The following VXN variants were observed in gnomAD, a reference collection of about 807,000 sequenced individuals.
VXN encodes the protein vexin.
In VXN, 7 loss-of-function variants were observed where a neutral mutation model predicts 23.1. That is an observed-to-expected ratio of 0.30 (90% CI 0.17 to 0.57). The LOEUF (loss-of-function observed/expected upper bound fraction) is 0.57, where lower values mean the gene tolerates loss of function less well. Ranked by LOEUF, VXN falls within the 20% of genes least tolerant of loss-of-function variation. VXN has a pLI of 0.91. For synonymous variants in VXN, 120 were observed against 105.8 expected, an observed-to-expected ratio of 1.13 and a Z score of -0.83; for missense variants, 238 against 272.6, an observed-to-expected ratio of 0.87 and a Z score of 0.89.
intron 2 of VXN, among the ~76,000 whole-genome samples, chr8:66,497,951 C>T (rs1052849621): frequency 6.6e-6 from 1 of 151,810 alleles, no homozygotes; most frequent in South Asian, 2.1e-4. Context: ...GCGGATCACC[C>T]GAGGTCAGGA....
chr8:66,499,182 G>T (rs1279447960), intron 2 of VXN, among the ~76,000 whole-genome samples: 1 of 147,354 alleles, frequency 6.8e-6, no homozygotes, highest in African/African-American at 2.5e-5. Flanking sequence ...GTTTAGTCCA[G>T]AGCCTGACAC....
Position 66,512,266 on chromosome 8 carries a change from A to G in VXN, c.343-1274A>G, listed in dbSNP as rs574117741. 3.3e-5 allele frequency among the ~76,000 whole-genome samples: 5 copies of G among 152,238 alleles called. No homozygotes were observed. In the East Asian group the frequency reaches 5.8e-4, roughly 18 times the overall value. ...GTGAGATTGGCCTAAGGAAAGGGGA[A>G]AAGAGTGGGAACAAGTCCTTTCACC... On this transcript the variant is annotated intron_variant, in intron 4 of 5. Coordinates refer to ENST00000305454, the MANE Select transcript of VXN (RefSeq NM_152765.4).
chr8:66,499,957 G>A lies in VXN; in HGVS notation c.126+3465G>A, dbSNP rs190352476. Among the ~76,000 whole-genome samples, 40 of 151,652 alleles carry A rather than the reference G, an allele frequency of 2.6e-4. 1 individual carries two copies. In the East Asian group the frequency reaches 7.6e-3, roughly 29 times the overall value. On this transcript the variant is annotated intron_variant, in intron 2 of 5. Transcript: ENST00000305454. ...GCCCAGGCTGGTTTTGAACTCTTGG[G>A]CTCAAGCAAACCTACTGTCTCAGCC...
chr8:66,513,533 A>T lies in VXN; in HGVS notation c.343-7A>T, dbSNP rs772341086. The T allele has an allele frequency of 1.2e-6, 2 of 1,613,554 alleles. No individual in the cohort carries two copies. The highest frequency in any genetic ancestry group is 1.3e-5 in the African/African-American group (1 of 74,904). On this transcript the variant is annotated splice_region_variant and splice_polypyrimidine_tract_variant and intron_variant, in intron 4 of 5. Coordinates refer to ENST00000305454, the MANE Select transcript of VXN (RefSeq NM_152765.4). Reference sequence around the variant, plus strand: ...TCCTCACACTCCCTCCCGCTTCCTCATGACAGATACCGCCAGTGCCCCGGA... The same window carrying T: ...TCCTCACACTCCCTCCCGCTTCCTCTTGACAGATACCGCCAGTGCCCCGGA...
At chr8:66,507,895 G>T (rs1807777289) in intron 3 of VXN, among the ~76,000 whole-genome samples, 1 of 152,124 alleles carries the variant, frequency 6.6e-6, no homozygotes, top group South Asian at 2.1e-4. Context: ...TTTTTCCTGG[G>T]CCATAGAAGG....
chr8:66,501,802 A>C lies in VXN; in HGVS notation c.127-3573A>C, dbSNP rs568406856. Among the ~76,000 whole-genome samples, 10 of 152,284 alleles carry C rather than the reference A, an allele frequency of 6.6e-5. No individual in the cohort carries two copies. The East Asian group carries it at 1.9e-3, about 29-fold the overall frequency. On this transcript the variant is annotated intron_variant, in intron 2 of 5. Transcript: ENST00000305454. The stretch of plus-strand genomic sequence containing the variant: ...TTTGCAGATGGGAAAAGTGAGTCCC[A>C]AAAAGGAAAGAATTGTCTCTGGTCT...
intron 3 of VXN, among the ~76,000 whole-genome samples, chr8:66,508,830 T>A (rs2130553866): frequency 6.6e-6 from 1 of 152,194 alleles, no homozygotes; most frequent in Middle Eastern, 3.4e-3. Context: ...CGAAACCCTA[T>A]CTCCACAAAC....
Position 66,516,041 on chromosome 8 carries a change from G to A in VXN, c.589G>A (p.Val197Met), listed in dbSNP as rs1302211259. 25 of 1,612,850 alleles carry A rather than the reference G, an allele frequency of 1.6e-5. No homozygotes were observed. The Admixed American group carries it at 1.8e-4, about 12-fold the overall frequency. Reference sequence around the variant, plus strand: ...AAGGCACAAGAAGAAGTCTGAATATGTGGGAGCCACCAACAGCGCCTTTGA... The same window carrying A: ...AAGGCACAAGAAGAAGTCTGAATATATGGGAGCCACCAACAGCGCCTTTGA... ...WTRHKKKSEY[V>M]GATNSAFEAD The change falls in exon 6 of 6, where the codon GTG becomes ATG. Residue 197 changes from valine (V) to methionine (M), a missense_variant. Physicochemically the swap from Val to Met is conservative, Grantham distance 21. Transcript: ENST00000305454.
At chr8:66,514,744 G>A (rs998916989) in intron 5 of VXN, among the ~76,000 whole-genome samples, 53 of 152,248 alleles carry the variant, frequency 3.5e-4, no homozygotes, top group African/African-American at 1.0e-3. Context: ...AATTGAAAGA[G>A]ATAATATGTG....
chr8:66,510,030 G>T (rs1807803807), intron 3 of VXN, 66 bp from the exon 4 acceptor site: 3 of 1,439,094 alleles, frequency 2.1e-6, no homozygotes, highest in Non-Finnish European at 2.9e-6. Context: ...GGTAATTGAT[G>T]CAGGGCCAGT....
chr8:66,501,836 C>A (rs2130546145), intron 2 of VXN, among the ~76,000 whole-genome samples: 1 of 152,206 alleles, frequency 6.6e-6, no homozygotes, highest in Admixed American at 6.5e-5. Context: ...CTCTTGTGTC[C>A]CCAACCAACT....
chr8:66,515,073 G>T (rs1330365001), intron 5 of VXN, among the ~76,000 whole-genome samples: 1 of 152,224 alleles, frequency 6.6e-6, no homozygotes, highest in Non-Finnish European at 1.5e-5. Flanking sequence ...TATCCAAAAA[G>T]ATTGGATCAT....
At chr8:66,510,241 A>T (rs1807806753) in intron 4 of VXN, 84 bp downstream of exon 4, 1 of 1,141,224 alleles carries the variant, frequency 8.8e-7, no homozygotes. Context: ...ATGAAGAGAG[A>T]CTCAGTGTTC....
intron 2 of VXN, among the ~76,000 whole-genome samples, chr8:66,499,986 C>G (rs914911734): frequency 6.6e-6 from 1 of 152,056 alleles, no homozygotes; most frequent in Non-Finnish European, 1.5e-5. Flanking sequence ...CTCAGCCTCC[C>G]AAAGTGCTGA....
chr8:66,510,311 G>A lies in VXN; in HGVS notation c.342+154G>A, dbSNP rs576869517. On this transcript the variant is annotated intron_variant, in intron 4 of 5. Transcript: ENST00000305454. ...AACTGGCAGTTCTTTGCTCCCAAAA[G>A]CTCTCAGTTGGCCCTAATTTGTACC... The A allele has an allele frequency of 3.2e-5, 20 of 634,312 alleles. No homozygotes were observed. The African/African-American group carries it at 3.8e-4, about 12-fold the overall frequency. The allele number at this position is 634,312 out of a possible 1,614,324, so 39.3% of individuals were successfully genotyped here. A position where few individuals can be genotyped will look rare whatever the true frequency, so the allele number is the denominator to read the frequency against.
At chr8:66,511,982 C>G (rs966704854) in intron 4 of VXN, among the ~76,000 whole-genome samples, 8 of 150,634 alleles carry the variant, frequency 5.3e-5, no homozygotes, top group African/African-American at 2.0e-4. Context: ...AAGAGAATCA[C>G]TTGAACACAG....
intron 4 of VXN, among the ~76,000 whole-genome samples, chr8:66,512,381 C>T (rs763361157): frequency 4.6e-5 from 7 of 152,180 alleles, no homozygotes; most frequent in Non-Finnish European, 1.0e-4. Context: ...AGCAGCTCTG[C>T]CCACAGTCGG....
intron 5 of VXN, 79 bp downstream of exon 5, chr8:66,513,716 C>G: frequency 8.0e-7 from 1 of 1,243,406 alleles, no homozygotes; most frequent in Non-Finnish European, 1.2e-6. Context: ...AGCACCAGGC[C>G]GCCTGGTTGA....
intron 4 of VXN, among the ~76,000 whole-genome samples, chr8:66,511,366 G>A (rs770364041): frequency 1.1e-4 from 16 of 152,182 alleles, no homozygotes; most frequent in Middle Eastern, 3.2e-3. Context: ...GGCCCTCATC[G>A]TCACAAACAA....
Sources: gnomAD v4.1 joint callset for allele counts (sites outside exome capture counted in the v4.1 genomes callset) on GRCh38, gnomAD v4.1.1 for gene constraint, MANE v1.5 for transcripts, NCBI Gene and HGNC (gene_info 2026-07-23, HGNC 2026-07-21) for gene names.